The following FGF13 variants were observed in gnomAD, a reference collection of about 807,000 sequenced individuals.
FGF13 encodes fibroblast growth factor 13.
FGF13 carries 2 observed loss-of-function variants against 19.5 expected under a neutral mutation model. The ratio of observed to expected loss-of-function variants is 0.10; its 90% CI spans 0.04 to 0.32. The LOEUF (loss-of-function observed/expected upper bound fraction) is 0.32, where lower values mean the gene tolerates loss of function less well. FGF13 is among the 10% of genes least tolerant of loss of function. FGF13 has a pLI of 1.00. For synonymous variants in FGF13, 72 were observed against 76.9 expected (o/e 0.94, Z 0.33); for missense variants, 113 against 192.7 (o/e 0.59, Z 2.45).
At chrX:139,003,302 C>T (rs1385245814) in intron 1 of FGF13, among the ~76,000 whole-genome samples, 1 of 110,831 alleles carries the variant, frequency 9.0e-6, no homozygotes, top group Non-Finnish European at 1.9e-5. Context: ...GGCTTGTGGT[C>T]TCGCTGGGCT....
At chrX:138,731,489 A>C (rs1419250808) in intron 1 of FGF13, among the ~76,000 whole-genome samples, 1 of 110,443 alleles carries the variant, frequency 9.1e-6, no homozygotes, top group African/African-American at 3.3e-5. Context: ...AAATAGGTTG[A>C]ATTGAATGAT....
chrX:139,105,012 G>GT (rs199795206), intron 1 of FGF13, among the ~76,000 whole-genome samples: 14,458 of 106,631 alleles, frequency 0.14, 784 homozygotes, highest in South Asian at 0.22. Context: ...TTTCTTTCAA[G>GT]TTTTTTTTTT....
In FGF13 at chrX:138,630,566, A is replaced by C. The variant is rs1486406613; in HGVS notation, c.*2284T>G. On this transcript the variant is annotated 3_prime_UTR_variant, in exon 5 of 5. Transcript: ENST00000315930. ...AGGATGAGGAGGACTTATCTCATGA[A>C]ATTACAAGGTGACTTAGACTGGGCT... 1 of 109,965 alleles carries C rather than the reference A, an allele frequency of 9.1e-6. No homozygotes were observed. Among genetic ancestry groups the C allele is most frequent in the African/African-American group, 3.3e-5 (1 of 30,227 alleles). 9.1% of individuals were successfully genotyped at this position (109,965 alleles called of 1,213,427 possible).
chrX:138,904,021 T>A (rs192545893), intron 1 of FGF13, among the ~76,000 whole-genome samples: 2 of 111,803 alleles, frequency 1.8e-5, no homozygotes, highest in African/African-American at 6.5e-5. Flanking sequence ...GGTGAAAGTT[T>A]CTAGCTATAT....
At chrX:138,948,359 G>A (rs755608163) in intron 1 of FGF13, among the ~76,000 whole-genome samples, 2 of 112,002 alleles carry the variant, frequency 1.8e-5, no homozygotes, top group East Asian at 5.7e-4. Context: ...TTCAGACAAA[G>A]AAAACTCAGG....
intron 1 of FGF13, among the ~76,000 whole-genome samples, chrX:138,717,325 A>G (rs903670045): frequency 3.6e-5 from 4 of 112,066 alleles, no homozygotes; most frequent in Non-Finnish European, 5.6e-5. Flanking sequence ...TACAAGGAAA[A>G]CATTCTTTTC....
At chrX:138,782,365 G>T in intron 3 of FGF13, among the ~76,000 whole-genome samples, 1 of 111,640 alleles carries the variant, frequency 9.0e-6, no homozygotes, top group Non-Finnish European at 1.9e-5. Flanking sequence ...GAGGAAGGAA[G>T]TCAAATTGTC....
intron 1 of FGF13, among the ~76,000 whole-genome samples, chrX:138,988,620 A>G (rs1485638949): frequency 2.7e-5 from 3 of 112,406 alleles, no homozygotes; most frequent in Non-Finnish European, 5.6e-5. Context: ...ATTAGTATAT[A>G]TGATTGCAAC....
chrX:138,827,527 A>G (rs2091041772), intron 3 of FGF13, among the ~76,000 whole-genome samples: 1 of 111,754 alleles, frequency 8.9e-6, no homozygotes, highest in Admixed American at 9.5e-5. Flanking sequence ...TGGGTAACAT[A>G]TTAGGAAATG....
chrX:138,640,064 GA>G (rs2124105591), intron 3 of FGF13, among the ~76,000 whole-genome samples: 1 of 111,250 alleles, frequency 9.0e-6, no homozygotes, highest in African/African-American at 3.3e-5. Flanking sequence ...AAGGAATGAG[GA>G]ATCTACATTC....
intron 1 of FGF13, among the ~76,000 whole-genome samples, chrX:139,014,174 A>T (rs377042515): frequency 9.0e-6 from 1 of 111,707 alleles, no homozygotes; most frequent in East Asian, 2.8e-4. Flanking sequence ...AACTTAAAAT[A>T]ACCTAATGAT....
intron 1 of FGF13, among the ~76,000 whole-genome samples, chrX:139,155,755 G>A (rs1485564363): frequency 8.9e-6 from 1 of 111,831 alleles, no homozygotes; most frequent in Non-Finnish European, 1.9e-5. Flanking sequence ...ACTGACGGTG[G>A]GTGCAGAAGA....
intron 1 of FGF13, among the ~76,000 whole-genome samples, chrX:139,157,839 G>A (rs183359965): frequency 3.6e-5 from 4 of 112,543 alleles, no homozygotes; most frequent in Non-Finnish European, 5.6e-5. Context: ...AGGAACAGCT[G>A]TGGTCTGCAG....
intron 1 of FGF13, among the ~76,000 whole-genome samples, chrX:138,965,853 G>A (rs898783778): frequency 1.3e-4 from 14 of 111,970 alleles, no homozygotes; most frequent in African/African-American, 3.6e-4. Context: ...ATGAAAGGGA[G>A]TGGTAAAGAA....
chrX:139,123,503 T>C (rs1268502602), intron 1 of FGF13, among the ~76,000 whole-genome samples: 1 of 112,212 alleles, frequency 8.9e-6, no homozygotes, highest in East Asian at 2.8e-4. Flanking sequence ...AGTTGTTCAA[T>C]GGCTCACTCA....
chrX:138,685,526 T>C (rs2089772848), intron 3 of FGF13, among the ~76,000 whole-genome samples: 2 of 111,349 alleles, frequency 1.8e-5, no homozygotes, highest in Non-Finnish European at 3.8e-5. Flanking sequence ...TACAAATATA[T>C]TTACTTGGAC....
intron 3 of FGF13, among the ~76,000 whole-genome samples, chrX:138,642,331 C>T (rs985799529): frequency 8.9e-6 from 1 of 111,737 alleles, no homozygotes; most frequent in Admixed American, 9.5e-5. Context: ...CTGACATAGG[C>T]AAGAACCTCA....
At chrX:139,018,586 A>T (rs961518268) in intron 1 of FGF13, among the ~76,000 whole-genome samples, 4 of 111,238 alleles carry the variant, frequency 3.6e-5, no homozygotes, top group African/African-American at 1.3e-4. Context: ...TTCTAAAGGG[A>T]GGCAAGCCTG....
chrX:139,134,263 C>T (rs1192103173), intron 1 of FGF13, among the ~76,000 whole-genome samples: 2 of 111,435 alleles, frequency 1.8e-5, no homozygotes, highest in Non-Finnish European at 3.8e-5. Context: ...TCATTTAATC[C>T]TTTCATCTGT....
Sources: allele counts gnomAD v4.1 joint callset (sites outside exome capture counted in the v4.1 genomes callset), GRCh38; gene constraint gnomAD v4.1.1; transcripts MANE v1.5; gene names NCBI Gene and HGNC (gene_info 2026-07-23, HGNC 2026-07-21).